The following USP42 variants were observed in gnomAD, a reference collection of about 807,000 sequenced individuals.
USP42 encodes ubiquitin carboxyl-terminal hydrolase 42.
In USP42, 23 loss-of-function variants were observed where a neutral mutation model predicts 113.0. The observed-to-expected ratio is 0.20, with a 90% confidence interval of 0.15 to 0.29. The LOEUF is 0.29. Among genes scored for constraint, USP42 ranks in the 10% least tolerant of loss-of-function variants. The pLI, the probability that USP42 is intolerant of heterozygous loss-of-function variation, is 1.00. For synonymous variants in USP42, 933 were observed against 699.0 expected, an observed-to-expected ratio of 1.33 and a Z score of -5.28; for missense variants, 2,174 against 1,779.8, an observed-to-expected ratio of 1.22 and a Z score of -3.99.
upstream of USP42, among the ~76,000 whole-genome samples, chr7:6,104,700 G>A (rs932284528): frequency 2.0e-5 from 3 of 152,160 alleles, no homozygotes; most frequent in Non-Finnish European, 4.4e-5. Context: ...CAATCAGCGC[G>A]CTCCCTCTGC....
intron 14 of USP42, among the ~76,000 whole-genome samples, chr7:6,151,853 C>T (rs182723499): frequency 2.0e-5 from 3 of 152,266 alleles, no homozygotes; most frequent in East Asian, 3.9e-4. Flanking sequence ...ACCACACTCA[C>T]GAGGCACGCG....
intron 2 of USP42, 46 bp downstream of exon 2, chr7:6,111,420 A>G: frequency 6.3e-7 from 1 of 1,594,122 alleles, no homozygotes; most frequent in Non-Finnish European, 8.6e-7. Context: ...ACTCCTGTGT[A>G]AATGCTGCTG....
At chr7:6,136,967 C>T (rs1562831229) in intron 4 of USP42, among the ~76,000 whole-genome samples, 2 of 152,048 alleles carry the variant, frequency 1.3e-5, no homozygotes, top group African/African-American at 4.8e-5. Flanking sequence ...AATATATACT[C>T]AGAGCTTAGC....
upstream of USP42, among the ~76,000 whole-genome samples, chr7:6,102,203 C>T (rs1790147841): frequency 6.8e-6 from 1 of 147,052 alleles, no homozygotes; most frequent in Non-Finnish European, 1.5e-5. Flanking sequence ...GCAACCTCTG[C>T]CTCCCAGGTT....
upstream of USP42, among the ~76,000 whole-genome samples, chr7:6,102,621 T>A (rs1189814118): frequency 2.7e-5 from 4 of 150,286 alleles, no homozygotes; most frequent in Non-Finnish European, 5.9e-5. Context: ...CCAGGTGTGG[T>A]GGGCTGTGCC....
the USP42 span, among the ~76,000 whole-genome samples, chr7:6,091,234 T>G: frequency 6.6e-6 from 1 of 151,056 alleles, no homozygotes; most frequent in East Asian, 1.9e-4. Context: ...CTCTTTTCTT[T>G]TCTTTTTTGA....
intron 3 of USP42, among the ~76,000 whole-genome samples, chr7:6,121,011 G>C (rs997538878): frequency 6.6e-6 from 1 of 151,366 alleles, no homozygotes; most frequent in Non-Finnish European, 1.5e-5. Flanking sequence ...GGAACCTTAA[G>C]TCACTTATTA....
At chr7:6,156,404 T>G (rs557093147) in intron 15 of USP42, among the ~76,000 whole-genome samples, 10 of 152,182 alleles carry the variant, frequency 6.6e-5, no homozygotes, top group African/African-American at 2.4e-4. Flanking sequence ...GGAGCTAAAG[T>G]TGGTGAATTT....
In USP42 at chr7:6,154,228, G is replaced by A. The variant is rs759232416; in HGVS notation, c.2674G>A (p.Ala892Thr). The part of the protein sequence containing the change: ...DAQDPSQSLG[A>T]PEAAERPPAP... ...TCAGGACCCATCCCAGAGCTTGGGC[G>A]CACCCGAGGCCGCAGAGCGGCCGCC... Residue 892 changes from alanine to threonine, a missense_variant, in exon 15 of 18, where the codon GCA becomes ACA. Coordinates refer to ENST00000306177, the MANE Select transcript of USP42 (RefSeq NM_032172.3). 3 of 1,606,232 alleles carry A rather than the reference G, an allele frequency of 1.9e-6. No homozygotes were observed. The highest frequency in any genetic ancestry group is 1.3e-5 in the African/African-American group (1 of 75,008).
At chr7:6,127,799 C>T (rs141534529) in intron 3 of USP42, among the ~76,000 whole-genome samples, 95 of 152,194 alleles carry the variant, frequency 6.2e-4, no homozygotes, top group African/African-American at 1.7e-3. Context: ...AAATATTTTG[C>T]TGGGATTTTG....
At chr7:6,120,520 G>A (rs999825580) in intron 3 of USP42, among the ~76,000 whole-genome samples, 2 of 152,066 alleles carry the variant, frequency 1.3e-5, no homozygotes, top group Non-Finnish European at 1.5e-5. Context: ...TGGGATTACA[G>A]GCATGAGACA....
At chr7:6,101,182 G>T (rs986427583), upstream of USP42, among the ~76,000 whole-genome samples, 11 of 151,132 alleles carry the variant, frequency 7.3e-5, no homozygotes, top group African/African-American at 2.5e-4. Context: ...AGAGGCAGCT[G>T]TGAGTTATAA....
At chr7:6,153,479 C>T (rs1294858237) in intron 14 of USP42, among the ~76,000 whole-genome samples, 4 of 152,000 alleles carry the variant, frequency 2.6e-5, no homozygotes, top group Admixed American at 2.0e-4. Context: ...GATAGTAGTA[C>T]TAGCCTAATA....
rs1299024215 is a variant in USP42 at position 6,156,915 on chromosome 7, C to A, written c.3803C>A (p.Ala1268Asp). 1 of 1,613,814 alleles carries A rather than the reference C, an allele frequency of 6.2e-7. No homozygotes were observed. The highest frequency in any genetic ancestry group is 1.3e-5 in the African/African-American group (1 of 74,920). The change falls in exon 16 of 18, where the codon GCC becomes GAC. Residue 1268 changes from alanine (A) to aspartate (D), a missense_variant. Transcript: ENST00000306177. ...AGGGTCACCAGCTTGGAGACTGTCG[C>A]CCAGTTCCGGAGAGCCCAGGGTGGC... is the stretch of plus-strand genomic sequence containing the variant. ...LPRVTSLETV[A>D]QFRRAQGGFP...
At chr7:6,133,666 C>T (rs918302641) in intron 3 of USP42, among the ~76,000 whole-genome samples, 4 of 152,098 alleles carry the variant, frequency 2.6e-5, no homozygotes, top group East Asian at 1.9e-4. Context: ...ACTACAAGCA[C>T]GTGCCACCAC....
At chr7:6,106,810 G>T (rs1326971893) in intron 1 of USP42, among the ~76,000 whole-genome samples, 1 of 151,848 alleles carries the variant, frequency 6.6e-6, no homozygotes, top group African/African-American at 2.4e-5. Flanking sequence ...AAGCCATCCT[G>T]CTGCCTTGGC....
chr7:6,090,490 G>A, the USP42 span, among the ~76,000 whole-genome samples: 1 of 146,086 alleles, frequency 6.8e-6, no homozygotes, highest in Non-Finnish European at 1.5e-5. Context: ...CAAGGCAGGT[G>A]GATCAACTGA....
At chr7:6,103,738 C>CAAAAAAAAAAAA (rs398066574), upstream of USP42, among the ~76,000 whole-genome samples, 1 of 100,894 alleles carries the variant, frequency 9.9e-6, no homozygotes, top group Non-Finnish European at 1.8e-5. Context: ...CCCGTCTCTA[C>CAAAAAAAAAAAA]AAAAAAAAAA....
At chr7:6,085,313 G>T in the USP42 span, 3 of 149,268 alleles carry the variant, frequency 2.0e-5, 1 homozygote, top group African/African-American at 7.6e-5. Flanking sequence ...TTTTAGTAGA[G>T]ATGGGGTTTC....
Sources: allele counts gnomAD v4.1 joint callset (sites outside exome capture counted in the v4.1 genomes callset), GRCh38; gene constraint gnomAD v4.1.1; transcripts MANE v1.5; gene names NCBI Gene and HGNC (gene_info 2026-07-23, HGNC 2026-07-21).